DQX1: variants seen among roughly 807,000 people sequenced by gnomAD.
The protein encoded by DQX1 is ATP-dependent RNA helicase homolog DQX1.
Under a neutral mutation model 81.3 loss-of-function variants are expected in DQX1, and 66 were observed. The observed-to-expected ratio is 0.81, with a 90% CI of 0.67 to 1.00. DQX1 has a LOEUF of 1.00. Among genes scored for constraint, DQX1 ranks in the 50% least tolerant of loss-of-function variants. The pLI is 0.00. For missense variants in DQX1, 798 were observed against 867.9 expected (o/e 0.92, Z 1.01); for synonymous variants, 290 against 350.0 (o/e 0.83, Z 1.91).
chr2:74,519,138 G>C lies in DQX1; in HGVS notation c.1899C>G (p.Arg633=). Residue 633 remains arginine (R), a synonymous_variant, in exon 11 of 12, where the codon CGC becomes CGG. Transcript: ENST00000404568. The part of the protein sequence containing the change: ...QLSSYCCYRS[R]RAPARPPPWV... ...ATGGTGGGGGTCTGGCAGGAGCTCTGCGGCTTCGGTAGCAGCAGTATGAGG... is the reference window on the plus strand; with the variant it reads ...ATGGTGGGGGTCTGGCAGGAGCTCTCCGGCTTCGGTAGCAGCAGTATGAGG... 1 of 1,613,630 alleles carries C rather than the reference G, an allele frequency of 6.2e-7. No individual in the cohort carries two copies. Among genetic ancestry groups the C allele is most frequent in the South Asian group, 1.1e-5 (1 of 91,034 alleles).
chr2:74,518,632 T>C, intron 11 of DQX1, 30 bp from the exon 12 acceptor site: 7 of 1,606,000 alleles, frequency 4.4e-6, no homozygotes, highest in Non-Finnish European at 6.0e-6. Flanking sequence ...TTAGATGATC[T>C]GCATCTTCTC....
chr2:74,525,783 T>G lies in DQX1; in HGVS notation c.-19-35A>C. ...GCAGAGCAGCCAGTAAGGTCATATT[T>G]GGTGACCGACACCATCTTCCCACCT... On this transcript the variant is annotated intron_variant, in intron 1 of 11. Transcript: ENST00000404568. The surrounding 1 kb of genome is among the most constrained non-coding windows in gnomAD (Gnocchi z 4.1). 6.9e-7 allele frequency: 1 copy of G among 1,448,500 alleles called. No homozygotes were observed. Among genetic ancestry groups the G allele is most frequent in the Non-Finnish European group, 9.4e-7 (1 of 1,062,968 alleles). 89.7% of individuals were successfully genotyped at this position (1,448,500 alleles called of 1,614,324 possible).
chr2:74,523,899 T>TTTTTG (rs761014338), intron 4 of DQX1, 24 bp downstream of exon 4: 12 of 1,526,938 alleles, frequency 7.9e-6, no homozygotes, highest in East Asian at 2.3e-5. Context: ...CAGGCTGTTT[T>TTTTTG]TTTTGTTTTG....
At chr2:74,520,085 G>A in intron 8 of DQX1, 51 bp from the exon 9 acceptor site, 1 of 1,595,550 alleles carries the variant, frequency 6.3e-7, no homozygotes, top group Non-Finnish European at 8.6e-7. Flanking sequence ...AAATGGGAAG[G>A]GATAGTAGTA....
In DQX1 at chr2:74,524,248, C is replaced by T. The variant is rs1182674646; in HGVS notation, c.491G>A (p.Trp164Ter). The T allele has an allele frequency of 3.1e-6, 5 of 1,614,130 alleles. No homozygotes were observed. The highest frequency in any genetic ancestry group is 4.2e-6 in the Non-Finnish European group (5 of 1,180,016). The change falls in exon 4 of 12, where the codon TGG (tryptophan) becomes TAG (stop). Residue 164 changes from tryptophan (W) to a stop codon, truncating the protein, a stop_gained. Coordinates refer to ENST00000404568, the MANE Select transcript of DQX1 (RefSeq NM_133637.3). LOFTEE classifies it high-confidence loss of function. ...AGCCTCATCTAGTACCAGCACGCCC[C>T]AGGCTCCAGTGCCTCGGGTCGAGGC... ...EVASTRGTGA[W>*]GVLVLDEAQE...
At position 74,525,286 on chromosome 2, in the gene DQX1, A is replaced by G; in HGVS notation, c.238-84T>C. The G allele has an allele frequency of 2.1e-6, 3 of 1,401,498 alleles. No homozygotes were observed. In the South Asian group the frequency reaches 4.4e-5, roughly 21 times the overall value. The allele number at this position is 1,401,498 out of a possible 1,614,324, so 86.8% of individuals were successfully genotyped here. A position where few individuals can be genotyped will look rare whatever the true frequency, so the allele number is the denominator to read the frequency against. Reference sequence around the variant, plus strand: ...TGCTCAGGGAACTATGGCCACTTTAATCTTTCCTTATTTGGGGAGTCCCCT... The same window carrying G: ...TGCTCAGGGAACTATGGCCACTTTAGTCTTTCCTTATTTGGGGAGTCCCCT... On this transcript the variant is annotated intron_variant, in intron 2 of 11. Transcript: ENST00000404568. This position sits in a 1 kb window ranked among gnomAD's most constrained non-coding sequence, Gnocchi z 4.1.
rs1292442172 is a variant in DQX1 at position 74,523,382 on chromosome 2, G to C, written c.972C>G (p.His324Gln). ...DMDARKVVVT[H>Q]WLADFSFSLP... ...GGGAGAAGGAGAAGTCAGCCAGCCA[G>C]TGAGTGACCACAACCTTTCGGGCAT... The change falls in exon 5 of 12, where the codon CAC becomes CAG. Residue 324 changes from histidine to glutamine, a missense_variant. Transcript: ENST00000404568. 1.2e-6 allele frequency: 2 copies of C among 1,614,204 alleles called. No individual in the cohort carries two copies. The highest frequency in any genetic ancestry group is 1.7e-5 in the Admixed American group (1 of 60,024).
At chr2:74,519,823 C>T in intron 9 of DQX1, 77 bp from the exon 10 acceptor site, 1 of 1,601,464 alleles carries the variant, frequency 6.2e-7, no homozygotes, top group Non-Finnish European at 8.5e-7. Flanking sequence ...CAAAGGGCCT[C>T]CTCTTTCTGA....
chr2:74,519,832 G>A (rs1319042481), intron 9 of DQX1, 83 bp downstream of exon 9: 13 of 1,600,352 alleles, frequency 8.1e-6, no homozygotes, highest in Non-Finnish European at 1.1e-5. Flanking sequence ...TCCTCTTTCT[G>A]AGCATAGAGA....
Position 74,518,329 on chromosome 2 carries a change from G to T in DQX1, c.*117C>A. On this transcript the variant is annotated 3_prime_UTR_variant, in exon 12 of 12. Transcript: ENST00000404568. ...CCATTTCTTGGGACTCAGGTTCCAG[G>T]GTTTACATTTGACCCTAAACTTTGG... The T allele has an allele frequency of 1.6e-6, 2 of 1,257,704 alleles. No homozygotes were observed. The highest frequency in any genetic ancestry group is 2.2e-6 in the Non-Finnish European group (2 of 906,380). 77.9% of individuals were successfully genotyped at this position (1,257,704 alleles called of 1,614,324 possible).
In DQX1 at chr2:74,525,422, C is replaced by T; in HGVS notation, c.237+71G>A. On this transcript the variant is annotated intron_variant, in intron 2 of 11. Transcript: ENST00000404568. This position sits in a 1 kb window ranked among gnomAD's most constrained non-coding sequence, Gnocchi z 4.1. ...CCCTTGCCCAGGGAAAGGCCACTTT[C>T]CCTTTGTCCTCCCTTTGTCCTCCCT... 1.4e-6 allele frequency: 2 copies of T among 1,476,040 alleles called. No individual in the cohort carries two copies. Among genetic ancestry groups the T allele is most frequent in the Non-Finnish European group, 1.8e-6 (2 of 1,090,970 alleles). The allele number at this position is 1,476,040 out of a possible 1,614,324, so 91.4% of individuals were successfully genotyped here.
At chr2:74,524,858 G>T in intron 3 of DQX1, 151 bp downstream of exon 3, 1 of 1,032,940 alleles carries the variant, frequency 9.7e-7, no homozygotes, top group East Asian at 2.6e-5. Context: ...ACTCCAGCCT[G>T]GGTGACAGAG....
At position 74,525,115 on chromosome 2, in the gene DQX1, G is replaced by A. The variant is rs200418000; in HGVS notation, c.325C>T (p.Arg109Trp). The A allele has an allele frequency of 7.7e-5, 125 of 1,613,984 alleles. No individual in the cohort carries two copies. The East Asian group carries it at 2.4e-3, about 31-fold the overall frequency. ...TVTQPYPLAA[R>W]SLALRVADEM... Reference sequence around the variant, plus strand: ...TCAGCAACCCGCAGAGCCAGGCTCCGGGCTGCAAGAGGGTAGGGCTGAGTA... The same window carrying A: ...TCAGCAACCCGCAGAGCCAGGCTCCAGGCTGCAAGAGGGTAGGGCTGAGTA... Residue 109 changes from arginine to tryptophan, a missense_variant, in exon 3 of 12, where the codon CGG becomes TGG. Arg to Trp is a moderately radical substitution (Grantham distance 101). Transcript: ENST00000404568. The surrounding 1 kb of genome is among the most constrained non-coding windows in gnomAD (Gnocchi z 4.1).
chr2:74,519,491 AC>A, intron 10 of DQX1, 64 bp downstream of exon 10: 1 of 1,568,370 alleles, frequency 6.4e-7, no homozygotes, highest in East Asian at 2.3e-5. Context: ...AAAGTGGCTT[AC>A]CAATATTTGT....
chr2:74,522,797 A>G, intron 7 of DQX1, 26 bp from the exon 8 acceptor site: 2 of 1,613,284 alleles, frequency 1.2e-6, no homozygotes, highest in Non-Finnish European at 1.7e-6. Context: ...GGCTTACAGG[A>G]TATGAAGTTT....
intron 3 of DQX1, 130 bp from the exon 4 acceptor site, chr2:74,524,437 A>C (rs1297196261): frequency 7.7e-7 from 1 of 1,301,892 alleles, no homozygotes; most frequent in Non-Finnish European, 1.0e-6. Flanking sequence ...TGACTTCCTG[A>C]GCCTATGGAC....
chr2:74,520,749 T>G (rs917259920), intron 8 of DQX1, among the ~76,000 whole-genome samples: 2 of 152,020 alleles, frequency 1.3e-5, no homozygotes, highest in African/African-American at 4.8e-5. Flanking sequence ...TCATGGCCCG[T>G]TGCAGCCTCA....
intron 8 of DQX1, among the ~76,000 whole-genome samples, chr2:74,521,884 G>A (rs1328509815): frequency 6.6e-6 from 1 of 152,032 alleles, no homozygotes; most frequent in Non-Finnish European, 1.5e-5. Flanking sequence ...ACGGCACAAG[G>A]TTTGGAAATT....
chr2:74,523,068 C>T (rs777221645), intron 6 of DQX1, 51 bp downstream of exon 6: 1 of 1,613,834 alleles, frequency 6.2e-7, no homozygotes, highest in Non-Finnish European at 8.5e-7. Flanking sequence ...TCAGGGCTTG[C>T]ATGTTGGTGA....
Sources: allele counts gnomAD v4.1 joint callset (sites outside exome capture counted in the v4.1 genomes callset), GRCh38; gene constraint gnomAD v4.1.1; non-coding constraint Gnocchi (gnomAD v3.1); transcripts MANE v1.5; gene names NCBI Gene and HGNC (gene_info 2026-07-23, HGNC 2026-07-21).